The following LUZP2 variants were observed in gnomAD, a reference collection of about 807,000 sequenced individuals.
LUZP2 encodes the protein leucine zipper protein 2.
In LUZP2, 52 loss-of-function variants were observed where a neutral mutation model predicts 51.6. That is an observed-to-expected ratio of 1.01 (90% CI 0.81 to 1.27). The LOEUF (loss-of-function observed/expected upper bound fraction) is 1.27. Among genes scored for constraint, LUZP2 ranks in the 50% most tolerant of loss-of-function variants. The pLI is 0.00. For missense variants in LUZP2, 436 were observed against 395.4 expected, an observed-to-expected ratio of 1.10 and a Z score of -0.87; for synonymous variants, 154 against 137.3, an observed-to-expected ratio of 1.12 and a Z score of -0.85.
intron 5 of LUZP2, among the ~76,000 whole-genome samples, chr11:24,874,398 G>A (rs1364244927): frequency 6.6e-6 from 1 of 152,094 alleles, no homozygotes; most frequent in East Asian, 1.9e-4. Flanking sequence ...CAGTGTCGGT[G>A]AGGCATTTAT....
intron 9 of LUZP2, among the ~76,000 whole-genome samples, chr11:24,998,958 G>T (rs1221096002): frequency 6.6e-6 from 1 of 152,014 alleles, no homozygotes; most frequent in Non-Finnish European, 1.5e-5. Flanking sequence ...GAAATTTGCT[G>T]TCTGTTAGAA....
chr11:25,011,527 A>T lies in LUZP2; in HGVS notation c.765+28234A>T, dbSNP rs375402080. 2.4e-3 allele frequency among the ~76,000 whole-genome samples: 363 copies of T among 152,284 alleles called. 2 individuals are homozygous for T. The highest frequency in any genetic ancestry group is 8.3e-3 in the African/African-American group (345 of 41,566). On this transcript the variant is annotated intron_variant, in intron 9 of 11. Transcript: ENST00000336930. ...TAGACTACAGTGAATAGAAAAGCGA[A>T]CATAAGGTTCAGGCCATTTAGTTTT...
chr11:24,825,724 C>T (rs556269731), intron 5 of LUZP2, among the ~76,000 whole-genome samples: 16 of 152,002 alleles, frequency 1.1e-4, no homozygotes, highest in Admixed American at 8.5e-4. Flanking sequence ...TTACTTATTT[C>T]GACAGAAATC....
chr11:25,050,020 C>G lies in LUZP2; in HGVS notation c.766-18C>G. The G allele has an allele frequency of 1.3e-6, 2 of 1,491,066 alleles. No individual in the cohort carries two copies. The highest frequency in any genetic ancestry group is 1.8e-6 in the Non-Finnish European group (2 of 1,096,450). 92.4% of individuals were successfully genotyped at this position (1,491,066 alleles called of 1,614,324 possible). A position where few individuals can be genotyped will look rare whatever the true frequency, so the allele number is the denominator to read the frequency against. On this transcript the variant is annotated intron_variant, in intron 9 of 11. Transcript: ENST00000336930. ...TTTAGTGATTTCTTTCTTTCTATCT[C>G]TCTTCGTCTCTTTTAAGCCTCAACA...
chr11:24,879,598 A>G (rs1421154341), intron 5 of LUZP2, among the ~76,000 whole-genome samples: 1 of 152,088 alleles, frequency 6.6e-6, no homozygotes, highest in Non-Finnish European at 1.5e-5. Context: ...CTGACTTTTT[A>G]ATAATTGCCA....
At chr11:24,975,663 G>A (rs560266550) in intron 7 of LUZP2, among the ~76,000 whole-genome samples, 2 of 152,192 alleles carry the variant, frequency 1.3e-5, no homozygotes, top group South Asian at 4.1e-4. Flanking sequence ...TGTAGAATAA[G>A]TATTGCCATC....
chr11:24,633,680 T>C (rs550330997), intron 1 of LUZP2, among the ~76,000 whole-genome samples: 2 of 152,076 alleles, frequency 1.3e-5, no homozygotes, highest in Admixed American at 6.6e-5. Flanking sequence ...AAAATATACA[T>C]TGTTAATGTT....
chr11:25,019,255 A>G (rs1297866500), intron 9 of LUZP2, among the ~76,000 whole-genome samples: 1 of 152,202 alleles, frequency 6.6e-6, no homozygotes, highest in Non-Finnish European at 1.5e-5. Flanking sequence ...GAATTCTATC[A>G]CATGAATCTA....
In LUZP2 at chr11:24,611,635, C is replaced by T. The variant is rs1854127062; in HGVS notation, c.62+114330C>T. 6.6e-6 allele frequency among the ~76,000 whole-genome samples: 1 copy of T among 152,060 alleles called. No individual in the cohort carries two copies. Among genetic ancestry groups the T allele is most frequent in the Admixed American group, 6.6e-5 (1 of 15,248 alleles). Reference sequence around the variant, plus strand: ...TGGAGATGGTTTTCTTCATCATAATCATTCATCGTCATCATCATCATCATC... The same window carrying T: ...TGGAGATGGTTTTCTTCATCATAATTATTCATCGTCATCATCATCATCATC... On this transcript the variant is annotated intron_variant, in intron 1 of 11. Transcript: ENST00000336930. This position sits in a 1 kb window ranked among gnomAD's most constrained non-coding sequence, Gnocchi z 4.6.
At chr11:25,012,079 T>A (rs956089083) in intron 9 of LUZP2, among the ~76,000 whole-genome samples, 2 of 152,120 alleles carry the variant, frequency 1.3e-5, no homozygotes, top group Admixed American at 6.6e-5. Flanking sequence ...TTTTGTTGGT[T>A]AGCAATGTGT....
At chr11:24,785,394 C>T (rs976750210) in intron 5 of LUZP2, among the ~76,000 whole-genome samples, 22 of 152,036 alleles carry the variant, frequency 1.4e-4, no homozygotes, top group African/African-American at 5.1e-4. Flanking sequence ...AAAGGTATGC[C>T]ATCTTCAATT....
intron 1 of LUZP2, among the ~76,000 whole-genome samples, chr11:24,584,916 T>G (rs188311010): frequency 7.2e-5 from 11 of 152,310 alleles, no homozygotes; most frequent in African/African-American, 2.4e-4. Flanking sequence ...AAAACTAAAA[T>G]GAGCTAAGCA....
At chr11:24,994,431 A>T (rs574868279) in intron 9 of LUZP2, among the ~76,000 whole-genome samples, 16 of 152,156 alleles carry the variant, frequency 1.1e-4, no homozygotes, top group Non-Finnish European at 2.2e-4. Context: ...GCCTGTCTAA[A>T]TACAGTTGAT....
chr11:24,683,050 A>G (rs1856798028), intron 1 of LUZP2, among the ~76,000 whole-genome samples: 1 of 152,186 alleles, frequency 6.6e-6, no homozygotes, highest in Non-Finnish European at 1.5e-5. Flanking sequence ...ATTGAACATC[A>G]TATCAGCTCT....
chr11:24,958,757 A>C (rs1455540922), intron 7 of LUZP2, among the ~76,000 whole-genome samples: 1 of 152,132 alleles, frequency 6.6e-6, no homozygotes, highest in Non-Finnish European at 1.5e-5. Flanking sequence ...CTTTAGTTTA[A>C]TTAGATCCCA....
At chr11:24,663,209 G>C (rs1856080009) in intron 1 of LUZP2, among the ~76,000 whole-genome samples, 1 of 152,094 alleles carries the variant, frequency 6.6e-6, no homozygotes, top group African/African-American at 2.4e-5. Flanking sequence ...GGTGGGAGGG[G>C]ATTAGATCAT....
intron 1 of LUZP2, among the ~76,000 whole-genome samples, chr11:24,616,501 G>A (rs1236324980): frequency 6.6e-6 from 1 of 151,578 alleles, no homozygotes; most frequent in African/African-American, 2.4e-5. Flanking sequence ...GTGTGTGTGT[G>A]TATGTTAATG....
At chr11:24,988,164 A>G (rs12049857) in intron 9 of LUZP2, among the ~76,000 whole-genome samples, 60,237 of 151,800 alleles carry the variant, frequency 0.4, 14,394 homozygotes, top group East Asian at 0.78. Flanking sequence ...CCTGCTGTCC[A>G]TCAATCACTA....
At chr11:24,781,629 A>C (rs1174845839) in intron 5 of LUZP2, among the ~76,000 whole-genome samples, 2 of 152,048 alleles carry the variant, frequency 1.3e-5, no homozygotes, top group African/African-American at 4.8e-5. Flanking sequence ...TTTAAAAAAT[A>C]GACCTCATAA....
Sources: gnomAD v4.1 joint callset for allele counts (sites outside exome capture counted in the v4.1 genomes callset) on GRCh38, gnomAD v4.1.1 for gene constraint, Gnocchi (gnomAD v3.1) non-coding constraint, MANE v1.5 for transcripts, NCBI Gene and HGNC (gene_info 2026-07-23, HGNC 2026-07-21) for gene names.